The following TNNI3 variants were observed in gnomAD, a reference collection of about 807,000 sequenced individuals.
TNNI3 encodes troponin I, cardiac muscle.
TNNI3 carries 23 observed loss-of-function variants against 31.5 expected under a neutral mutation model. That is an observed-to-expected ratio of 0.73 (90% confidence interval 0.52 to 1.03). The LOEUF (loss-of-function observed/expected upper bound fraction) is 1.03. TNNI3 is among the 50% of genes least tolerant of loss of function. TNNI3 has a pLI of 0.00. For synonymous variants in TNNI3, 120 were observed against 111.7 expected (o/e 1.07, Z -0.47); for missense variants, 236 against 282.9 (o/e 0.83, Z 1.19).
chr19:55,152,801 CTGTTT>C lies in TNNI3; in HGVS notation c.550-889_550-885del, dbSNP rs1282765308. On this transcript the variant is annotated intron_variant, in intron 7 of 7. Transcript: ENST00000344887. This position sits in a 1 kb window ranked among gnomAD's most constrained non-coding sequence, Gnocchi z 4.0. ...CCACCATGCCCAGCTAACTTTTGTTCTGTTTTGTTTTGTTTTGAGATGGAGTCTCC... is the reference window on the plus strand; with the variant it reads ...CCACCATGCCCAGCTAACTTTTGTTCTGTTTTGTTTTGAGATGGAGTCTCC... Among the ~76,000 whole-genome samples, 1 of 151,664 alleles carries C rather than the reference CTGTTT, an allele frequency of 6.6e-6. No homozygotes were observed. The highest frequency in any genetic ancestry group is 1.5e-5 in the Non-Finnish European group (1 of 67,912).
At chr19:55,153,359 G>T (rs2085705280) in intron 7 of TNNI3, among the ~76,000 whole-genome samples, 1 of 151,892 alleles carries the variant, frequency 6.6e-6, no homozygotes. Flanking sequence ...CATGGTTTCA[G>T]GCATCCACTC....
Position 55,156,271 on chromosome 19 carries a change from T to C in TNNI3, c.212A>G (p.Glu71Gly). The change falls in exon 5 of 8, where the codon GAG becomes GGG. Residue 71 changes from glutamate to glycine, a missense_variant. Around this residue, in one of 4 missense-constraint regions of TNNI3, gnomAD observed 172 missense variants for 171.8 expected, o/e 1.00. Transcript: ENST00000344887. This position sits in a 1 kb window ranked among gnomAD's most constrained non-coding sequence, Gnocchi z 4.6. ...LEREAEERRG[E>G]KGRALSTRCQ... is the part of the protein sequence containing the mutation. Reference sequence around the variant, plus strand: ...GCGGGTGCTCAGAGCGCGCCCCTTCTCTCCGCGCCGCTCCTCCGCCTCTCG... The same window carrying C: ...GCGGGTGCTCAGAGCGCGCCCCTTCCCTCCGCGCCGCTCCTCCGCCTCTCG... 2 of 1,611,538 alleles carry C rather than the reference T, an allele frequency of 1.2e-6. No homozygotes were observed.
chr19:55,153,023 C>T (rs1458930240), intron 7 of TNNI3, among the ~76,000 whole-genome samples: 1 of 152,096 alleles, frequency 6.6e-6, no homozygotes, highest in Non-Finnish European at 1.5e-5. Context: ...TGGTCTCAAA[C>T]TCCTGACCTC....
Position 55,156,326 on chromosome 19 carries a change from G to A in TNNI3, c.157C>T (p.Leu53=), listed in dbSNP as rs763981651. 18 of 1,608,132 alleles carry A rather than the reference G, an allele frequency of 1.1e-5. No homozygotes were observed. Among genetic ancestry groups the A allele is most frequent in the Non-Finnish European group, 1.4e-5 (17 of 1,178,158 alleles). Residue 53 remains leucine (L), a synonymous_variant, in exon 5 of 8, where the codon CTG becomes TTG. Coordinates refer to ENST00000344887, the MANE Select transcript of TNNI3 (RefSeq NM_000363.5). This position sits in a 1 kb window ranked among gnomAD's most constrained non-coding sequence, Gnocchi z 4.6. The part of the protein sequence containing the change: ...ASRKLQLKTL[L]LQIAKQELER... ...AGCTCTTGCTTTGCAATCTGCAGCA[G>A]CAGAGTCTGCAGAGGGGTGGGAGGG...
rs901461756 is a variant in TNNI3 at position 55,152,774 on chromosome 19, T to C, written c.550-857A>G. Among the ~76,000 whole-genome samples the C allele has an allele frequency of 6.6e-6, 1 of 152,118 alleles. No homozygotes were observed. The highest frequency in any genetic ancestry group is 1.5e-5 in the Non-Finnish European group (1 of 68,006). On this transcript the variant is annotated intron_variant, in intron 7 of 7. Transcript: ENST00000344887. This position sits in a 1 kb window ranked among gnomAD's most constrained non-coding sequence, Gnocchi z 4.0. ...CTGAGGAGCTGGGACCACAGGTGTGTGCCACCATGCCCAGCTAACTTTTGT... is the reference window on the plus strand; with the variant it reads ...CTGAGGAGCTGGGACCACAGGTGTGCGCCACCATGCCCAGCTAACTTTTGT...
Position 55,152,684 on chromosome 19 carries a change from C to G in TNNI3, c.550-767G>C, listed in dbSNP as rs1279755633. Among the ~76,000 whole-genome samples, 1 of 152,072 alleles carries G rather than the reference C, an allele frequency of 6.6e-6. No homozygotes were observed. The highest frequency in any genetic ancestry group is 1.5e-5 in the Non-Finnish European group (1 of 68,006). On this transcript the variant is annotated intron_variant, in intron 7 of 7. Coordinates refer to ENST00000344887, the MANE Select transcript of TNNI3 (RefSeq NM_000363.5). This position sits in a 1 kb window ranked among gnomAD's most constrained non-coding sequence, Gnocchi z 4.0. Reference sequence around the variant, plus strand: ...TGCCTCATCCAAGCTGGAGTGCAGTCGTGCAATCTCGGCTCACTGCAGCCT... The same window carrying G: ...TGCCTCATCCAAGCTGGAGTGCAGTGGTGCAATCTCGGCTCACTGCAGCCT...
chr19:55,153,990 C>A, intron 7 of TNNI3, 40 bp downstream of exon 7: 1 of 1,609,198 alleles, frequency 6.2e-7, no homozygotes, highest in East Asian at 2.2e-5. Flanking sequence ...CACAGCCCTT[C>A]CCCTCAGCAT....
chr19:55,157,257 C>G lies in TNNI3; in HGVS notation c.24+39G>C. 1 of 1,610,622 alleles carries G rather than the reference C, an allele frequency of 6.2e-7. No individual in the cohort carries two copies. The highest frequency in any genetic ancestry group is 8.5e-7 in the Non-Finnish European group (1 of 1,179,004). ...CCCTCACTGCAGCGCCCACCCTGGC[C>G]CTGGGGGTCCCAGCCACGCCTTAGC... On this transcript the variant is annotated intron_variant, in intron 2 of 7. Transcript: ENST00000344887. This position sits in a 1 kb window ranked among gnomAD's most constrained non-coding sequence, Gnocchi z 6.3.
In TNNI3 at chr19:55,157,171, A is replaced by T; in HGVS notation, c.25-38T>A. The T allele has an allele frequency of 6.3e-7, 1 of 1,588,218 alleles. No homozygotes were observed. Among genetic ancestry groups the T allele is most frequent in the Non-Finnish European group, 8.6e-7 (1 of 1,168,720 alleles). On this transcript the variant is annotated intron_variant, in intron 2 of 7. Transcript: ENST00000344887. This position sits in a 1 kb window ranked among gnomAD's most constrained non-coding sequence, Gnocchi z 6.3. ...GAGTGGGGACCCCATCACCACCAAG[A>T]CCCCACCCAGCCCTTACCGTACCGC...
intron 6 of TNNI3, 123 bp from the exon 7 acceptor site, chr19:55,154,329 T>G: frequency 9.5e-7 from 1 of 1,056,434 alleles, no homozygotes; most frequent in Non-Finnish European, 1.4e-6. Context: ...TACCAGTCTC[T>G]TCCCGGCTTA....
In TNNI3 at chr19:55,151,886, T is replaced by G. The variant is rs730881081; in HGVS notation, c.581A>C (p.Asn194Thr). The G allele has an allele frequency of 6.2e-7, 1 of 1,614,092 alleles. No homozygotes were observed. Among genetic ancestry groups the G allele is most frequent in the Non-Finnish European group, 8.5e-7 (1 of 1,179,950 alleles). ...ENREVGDWRK[N>T]IDALSGMEGR... ...CTCCATTCCACTCAGTGCATCGATG[T>G]TCTTGCGCCAGTCTCCCACCTCCCG... The change falls in exon 8 of 8, where the codon AAC becomes ACC. Residue 194 changes from asparagine to threonine, a missense_variant. This residue lies in a region of TNNI3 where 28 missense variants were observed against 36.2 expected (regional missense o/e 0.77). Coordinates refer to ENST00000344887, the MANE Select transcript of TNNI3 (RefSeq NM_000363.5).
Position 55,154,829 on chromosome 19 carries a change from T to A in TNNI3, c.284A>T (p.Asp95Val). The stretch of plus-strand genomic sequence containing the variant: ...ACGGGCGTGGAGCTGTCGGCACAAG[T>A]CCTGGAGGAGGAACGTGGTGTGTGT... Reference protein sequence around the residue: ...LAGLGFAELQDLCRQLHARVD... With the variant: ...LAGLGFAELQVLCRQLHARVD... Residue 95 changes from aspartate to valine, a missense_variant and splice_region_variant, in exon 6 of 8, where the codon GAC becomes GTC. This residue lies in a region of TNNI3 where 172 missense variants were observed against 171.8 expected (regional missense o/e 1.00). Coordinates refer to ENST00000344887, the MANE Select transcript of TNNI3 (RefSeq NM_000363.5). 1 of 1,614,072 alleles carries A rather than the reference T, an allele frequency of 6.2e-7. No individual in the cohort carries two copies. The highest frequency in any genetic ancestry group is 8.5e-7 in the Non-Finnish European group (1 of 1,179,952).
At position 55,157,023 on chromosome 19, in the gene TNNI3, C is replaced by A; in HGVS notation, c.108+27G>T. ...GTCTTGGATCCCTCCGGCGCCTGTACTCTGCCCCCAGGAAGCCCCGTCCCA... is the reference window on the plus strand; with the variant it reads ...GTCTTGGATCCCTCCGGCGCCTGTAATCTGCCCCCAGGAAGCCCCGTCCCA... On this transcript the variant is annotated intron_variant, in intron 3 of 7. Transcript: ENST00000344887. This position sits in a 1 kb window ranked among gnomAD's most constrained non-coding sequence, Gnocchi z 6.3. 6.4e-7 allele frequency: 1 copy of A among 1,566,112 alleles called. No homozygotes were observed. Among genetic ancestry groups the A allele is most frequent in the Non-Finnish European group, 8.6e-7 (1 of 1,158,836 alleles).
In TNNI3 at chr19:55,153,637, G is replaced by A. The variant is rs148828479; in HGVS notation, c.549+393C>T. On this transcript the variant is annotated intron_variant, in intron 7 of 7. Transcript: ENST00000344887. ...GCATGAGAATCACTTGATCCTGGGA[G>A]GCAGAGGTTGCAGTGAGCCGAGATG... Among the ~76,000 whole-genome samples, 451 of 103,268 alleles carry A rather than the reference G, an allele frequency of 4.4e-3. 3 individuals are homozygous for A. The highest frequency in any genetic ancestry group is 0.014 in the African/African-American group (417 of 28,898). 67.7% of individuals were successfully genotyped at this position (103,268 alleles called of 152,430 possible).
chr19:55,156,696 G>C lies in TNNI3; in HGVS notation c.109-52C>G. On this transcript the variant is annotated intron_variant, in intron 3 of 7. Coordinates refer to ENST00000344887, the MANE Select transcript of TNNI3 (RefSeq NM_000363.5). The surrounding 1 kb of genome is among the most constrained non-coding windows in gnomAD (Gnocchi z 4.6). ...GGATCATGGAGGGGGATTCGGAGACGACGGTGGAGGGGACCTCAAGACACC... is the reference window on the plus strand; with the variant it reads ...GGATCATGGAGGGGGATTCGGAGACCACGGTGGAGGGGACCTCAAGACACC... 6.5e-7 allele frequency: 1 copy of C among 1,543,828 alleles called. No homozygotes were observed. Among genetic ancestry groups the C allele is most frequent in the Non-Finnish European group, 8.8e-7 (1 of 1,139,092 alleles).
At position 55,156,367 on chromosome 19, in the gene TNNI3, G is replaced by A. The variant is rs750587449; in HGVS notation, c.151-35C>T. On this transcript the variant is annotated intron_variant, in intron 4 of 7. Transcript: ENST00000344887. The surrounding 1 kb of genome is among the most constrained non-coding windows in gnomAD (Gnocchi z 4.6). The stretch of plus-strand genomic sequence containing the variant: ...GGTGGGAGGGAAGCGCAGCCCACCC[G>A]GGGCTTCAGGATAAAGACCAGGCGT... 3.1e-6 allele frequency: 5 copies of A among 1,595,642 alleles called. No homozygotes were observed. The highest frequency in any genetic ancestry group is 2.2e-5 in the East Asian group (1 of 44,564).
rs1334513488 is a variant in TNNI3 at position 55,152,168 on chromosome 19, ACTTT to A, written c.550-255_550-252del. Reference sequence around the variant, plus strand: ...CCAGCACTTCCTGTCTCCCTCATGTACTTTCTGTCTTTCCCCATCCACTTCCTGT... The same window carrying A: ...CCAGCACTTCCTGTCTCCCTCATGTACTGTCTTTCCCCATCCACTTCCTGT... On this transcript the variant is annotated intron_variant, in intron 7 of 7. Coordinates refer to ENST00000344887, the MANE Select transcript of TNNI3 (RefSeq NM_000363.5). The surrounding 1 kb of genome is among the most constrained non-coding windows in gnomAD (Gnocchi z 4.0). Among the ~76,000 whole-genome samples the A allele has an allele frequency of 1.4e-5, 2 of 140,298 alleles. No individual in the cohort carries two copies. Among genetic ancestry groups the A allele is most frequent in the South Asian group, 2.3e-4 (1 of 4,426 alleles). The allele number at this position is 140,298 out of a possible 152,430, so 92.0% of individuals were successfully genotyped here. A position where few individuals can be genotyped will look rare whatever the true frequency, so the allele number is the denominator to read the frequency against.
Position 55,157,191 on chromosome 19 carries a change from TACCGC to T in TNNI3, c.25-63_25-59del. 6.3e-7 allele frequency: 1 copy of T among 1,590,664 alleles called. No individual in the cohort carries two copies. Among genetic ancestry groups the T allele is most frequent in the Non-Finnish European group, 8.6e-7 (1 of 1,169,334 alleles). Reference sequence around the variant, plus strand: ...CCAAGACCCCACCCAGCCCTTACCGTACCGCACCCTCTGCTAGGGCTGCAGCCTCC... The same window carrying T: ...CCAAGACCCCACCCAGCCCTTACCGTACCCTCTGCTAGGGCTGCAGCCTCC... On this transcript the variant is annotated intron_variant, in intron 2 of 7. Coordinates refer to ENST00000344887, the MANE Select transcript of TNNI3 (RefSeq NM_000363.5). The surrounding 1 kb of genome is among the most constrained non-coding windows in gnomAD (Gnocchi z 6.3).
At chr19:55,153,005 G>A (rs1279823211) in intron 7 of TNNI3, among the ~76,000 whole-genome samples, 1 of 152,044 alleles carries the variant, frequency 6.6e-6, no homozygotes, top group African/African-American at 2.4e-5. Context: ...TCACTGTGTT[G>A]GCCAGGCTGG....
Sources: allele counts gnomAD v4.1 joint callset (sites outside exome capture counted in the v4.1 genomes callset), GRCh38; gene constraint gnomAD v4.1.1; regional missense constraint gnomAD v4.1.1; non-coding constraint Gnocchi (gnomAD v3.1); transcripts MANE v1.5; gene names NCBI Gene and HGNC (gene_info 2026-07-23, HGNC 2026-07-21).